CACNA2D3: variants seen among roughly 807,000 people sequenced by gnomAD.
CACNA2D3 encodes the protein calcium voltage-gated channel auxiliary subunit alpha2delta 3.
CACNA2D3 carries 60 observed loss-of-function variants against 160.6 expected under a neutral mutation model. The observed-to-expected ratio is 0.37, with a 90% CI of 0.30 to 0.46. The LOEUF is 0.46. Ranked by LOEUF, CACNA2D3 falls within the 20% of genes least tolerant of loss-of-function variation. The pLI is 1.00. For missense variants in CACNA2D3, 1,205 were observed against 1,365.0 expected (o/e 0.88, Z 1.85); for synonymous variants, 558 against 492.9 (o/e 1.13, Z -1.75).
chr3:54,609,684 A>G (rs1698709096), intron 9 of CACNA2D3, among the ~76,000 whole-genome samples: 1 of 152,216 alleles, frequency 6.6e-6, no homozygotes, highest in African/African-American at 2.4e-5. Context: ...AATTTTAAAT[A>G]TGCTTCTTCA....
chr3:54,834,051 A>G (rs986572793), intron 14 of CACNA2D3, among the ~76,000 whole-genome samples: 2 of 152,212 alleles, frequency 1.3e-5, no homozygotes, highest in Admixed American at 6.5e-5. Context: ...TTTCTTTTTT[A>G]AAGTAATGAT....
chr3:54,385,458 T>C (rs1411599585), intron 3 of CACNA2D3, among the ~76,000 whole-genome samples: 1 of 152,172 alleles, frequency 6.6e-6, no homozygotes, highest in African/African-American at 2.4e-5. Context: ...GGATTGTTCT[T>C]TGACCAGTGA....
At chr3:54,769,298 AC>A (rs1702276335) in intron 13 of CACNA2D3, among the ~76,000 whole-genome samples, 1 of 152,116 alleles carries the variant, frequency 6.6e-6, no homozygotes. Flanking sequence ...CCCTAAGGTG[AC>A]CCAGCTTGCA....
At chr3:54,686,569 A>G (rs952907464) in intron 11 of CACNA2D3, among the ~76,000 whole-genome samples, 1 of 152,234 alleles carries the variant, frequency 6.6e-6, no homozygotes, top group African/African-American at 2.4e-5. Context: ...TAGGCTTAGT[A>G]CATGGCTATG....
At chr3:54,240,724 G>A (rs984724551) in intron 2 of CACNA2D3, among the ~76,000 whole-genome samples, 2 of 151,858 alleles carry the variant, frequency 1.3e-5, no homozygotes, top group East Asian at 3.9e-4. Context: ...AAAGTTTGGA[G>A]TTTTGTTTTG....
Position 54,763,872 on chromosome 3 carries a change from T to TAC in CACNA2D3, c.1247-345_1247-344insCA, listed in dbSNP as rs1353406978. Among the ~76,000 whole-genome samples the TAC allele has an allele frequency of 4.6e-3, 153 of 33,488 alleles. 28 individuals are homozygous for TAC. The highest frequency in any genetic ancestry group is 0.018 in the African/African-American group (149 of 8,304). 22.0% of individuals were successfully genotyped at this position (33,488 alleles called of 152,430 possible). On this transcript the variant is annotated intron_variant, in intron 12 of 37. Coordinates refer to ENST00000474759, the MANE Select transcript of CACNA2D3 (RefSeq NM_018398.3). ...ACATATATATACATATATATATACG[T>TAC]ATATATATGTATATATATGTATGTG...
At chr3:54,809,400 G>A (rs1365976960) in intron 13 of CACNA2D3, among the ~76,000 whole-genome samples, 4 of 128,488 alleles carry the variant, frequency 3.1e-5, no homozygotes, top group Non-Finnish European at 4.6e-5. Flanking sequence ...CTCACTGCAA[G>A]CTCCGCTTCC....
chr3:55,012,019 TG>T (rs1703221045), intron 34 of CACNA2D3, among the ~76,000 whole-genome samples: 1 of 152,216 alleles, frequency 6.6e-6, no homozygotes, highest in Non-Finnish European at 1.5e-5. Flanking sequence ...ACCAGTGACC[TG>T]GGGACAAATC....
At chr3:54,216,470 G>T (rs1701465519) in intron 2 of CACNA2D3, among the ~76,000 whole-genome samples, 1 of 152,214 alleles carries the variant, frequency 6.6e-6, no homozygotes, top group African/African-American at 2.4e-5. Context: ...TTGTTATCCA[G>T]TTGCCATCCA....
intron 2 of CACNA2D3, among the ~76,000 whole-genome samples, chr3:54,259,854 A>G (rs1702371035): frequency 6.6e-6 from 1 of 152,244 alleles, no homozygotes; most frequent in African/African-American, 2.4e-5. Context: ...GCTGAAGCAA[A>G]GCCCTGCATT....
rs200295968 is a variant in CACNA2D3 at position 54,345,320 on chromosome 3, T to C, written c.321+24762T>C. The stretch of plus-strand genomic sequence containing the variant: ...CCAGCTATTTCTGTTTTTTCCTTCA[T>C]AATTTTTGCCTTATCTGAGTAGTAC... On this transcript the variant is annotated intron_variant, in intron 3 of 37. Coordinates refer to ENST00000474759, the MANE Select transcript of CACNA2D3 (RefSeq NM_018398.3). Among the ~76,000 whole-genome samples the C allele has an allele frequency of 2.6e-5, 4 of 152,372 alleles. No homozygotes were observed. In the East Asian group the frequency reaches 7.7e-4, roughly 29 times the overall value.
At chr3:54,926,505 T>TACACACACACACAC (rs36205023) in intron 27 of CACNA2D3, among the ~76,000 whole-genome samples, 1 of 143,312 alleles carries the variant, frequency 7.0e-6, no homozygotes, top group Non-Finnish European at 1.5e-5. Context: ...GCCTGTCAAA[T>TACACACACACACAC]ACACACACAC....
chr3:54,329,265 G>T (rs1175943504), intron 3 of CACNA2D3, among the ~76,000 whole-genome samples: 1 of 151,894 alleles, frequency 6.6e-6, no homozygotes, highest in Admixed American at 6.6e-5. Context: ...CCTTTACTGT[G>T]GCCCCAGTGC....
intron 4 of CACNA2D3, among the ~76,000 whole-genome samples, chr3:54,459,875 A>C (rs1455017734): frequency 4.6e-5 from 7 of 152,292 alleles, no homozygotes; most frequent in Non-Finnish European, 8.8e-5. Context: ...GGTAATGCCT[A>C]GGTTTTCTTG....
intron 9 of CACNA2D3, among the ~76,000 whole-genome samples, chr3:54,594,179 A>AT (rs933447366): frequency 6.6e-6 from 1 of 152,084 alleles, no homozygotes; most frequent in Non-Finnish European, 1.5e-5. Flanking sequence ...TGTTAGCAAA[A>AT]TTTTTTTGTT....
chr3:54,615,901 C>A (rs1174767194), intron 9 of CACNA2D3, among the ~76,000 whole-genome samples: 2 of 152,204 alleles, frequency 1.3e-5, no homozygotes, highest in African/African-American at 2.4e-5. Flanking sequence ...TTGATTCTTA[C>A]AGGAGTGCAA....
chr3:54,385,855 A>G (rs755944452), intron 3 of CACNA2D3: 6 of 475,412 alleles, frequency 1.3e-5, no homozygotes, highest in Middle Eastern at 6.8e-4. Context: ...GAAGTGGTCA[A>G]ATTTTTGCTT....
intron 2 of CACNA2D3, among the ~76,000 whole-genome samples, chr3:54,246,482 C>A (rs1197884597): frequency 6.6e-5 from 10 of 152,156 alleles, no homozygotes; most frequent in Non-Finnish European, 1.3e-4. Context: ...CACCTGAGGT[C>A]AGGAGGTCAA....
intron 2 of CACNA2D3, among the ~76,000 whole-genome samples, chr3:54,126,449 G>T (rs993129451): frequency 1.4e-4 from 21 of 152,068 alleles, no homozygotes; most frequent in African/African-American, 4.3e-4. Flanking sequence ...TTTATCAGTT[G>T]TTTCTATGTT....
Sources: gnomAD v4.1 joint callset for allele counts (sites outside exome capture counted in the v4.1 genomes callset) on GRCh38, gnomAD v4.1.1 for gene constraint, MANE v1.5 for transcripts, NCBI Gene and HGNC (gene_info 2026-07-23, HGNC 2026-07-21) for gene names.